Variants in TMEM182 observed in about 807,000 individuals in gnomAD.
TMEM182 encodes transmembrane protein 182.
A neutral mutation model predicts 26.8 loss-of-function variants in TMEM182; 20 were observed. That is an observed-to-expected ratio of 0.75 (90% CI 0.53 to 1.09). The LOEUF (loss-of-function observed/expected upper bound fraction) is 1.09, where lower values mean the gene tolerates loss of function less well. TMEM182 is among the 50% of genes least tolerant of loss of function. The probability of loss-of-function intolerance (pLI) is 0.00; values close to 1 mark genes in which losing one functional copy is unlikely to be tolerated. For synonymous variants in TMEM182, 109 were observed against 102.2 expected (o/e 1.07, Z -0.40); for missense variants, 277 against 275.5 (o/e 1.01, Z -0.04).
chr2:102,764,338 C>T lies in TMEM182; in HGVS notation c.242C>T (p.Pro81Leu), dbSNP rs769715865. 2 of 1,613,762 alleles carry T rather than the reference C, an allele frequency of 1.2e-6. No individual in the cohort carries two copies. The highest frequency in any genetic ancestry group is 1.7e-6 in the Non-Finnish European group (2 of 1,179,802). The change falls in exon 3 of 5, where the codon CCA (proline) becomes CTA (leucine). Residue 81 changes from proline (P) to leucine (L), a missense_variant. Pro to Leu is a moderately conservative substitution (Grantham distance 98). Coordinates refer to ENST00000412401, the MANE Select transcript of TMEM182 (RefSeq NM_144632.5). ...NIWKFWYTNQ[P>L]PSKNCTHAYL... is the part of the protein sequence containing the mutation. The stretch of plus-strand genomic sequence containing the variant: ...TTGCTGTTCTTCCTAGCCAATCAGC[C>T]ACCGTCCAAGAACTGCACACATGCT...
intron 4 of TMEM182, among the ~76,000 whole-genome samples, chr2:102,803,309 C>T (rs746662998): frequency 1.2e-4 from 18 of 152,186 alleles, no homozygotes; most frequent in African/African-American, 3.6e-4. Context: ...CTGCCATGTG[C>T]GGCAAAATGC....
At chr2:102,800,733 G>A (rs1682085959) in intron 4 of TMEM182, among the ~76,000 whole-genome samples, 1 of 151,110 alleles carries the variant, frequency 6.6e-6, no homozygotes, top group African/African-American at 2.4e-5. Flanking sequence ...TGTATTATGG[G>A]CAGCATGATC....
At chr2:102,756,077 G>A (rs1488068157) in intron 1 of TMEM182, among the ~76,000 whole-genome samples, 2 of 152,170 alleles carry the variant, frequency 1.3e-5, no homozygotes, top group Admixed American at 1.3e-4. Context: ...TGGGGAACAA[G>A]CAAAGATTTG....
chr2:102,771,108 C>G (rs528708593), intron 3 of TMEM182, among the ~76,000 whole-genome samples: 10 of 152,252 alleles, frequency 6.6e-5, no homozygotes, highest in African/African-American at 1.7e-4. Context: ...GCAAATCACT[C>G]CAAATACTTC....
chr2:102,816,913 A>G lies in TMEM182; in HGVS notation c.*1945A>G. 1 of 985,744 alleles carries G rather than the reference A, an allele frequency of 1.0e-6. No homozygotes were observed. Among genetic ancestry groups the G allele is most frequent in the Non-Finnish European group, 1.2e-6 (1 of 829,810 alleles). The allele number at this position is 985,744 out of a possible 1,614,324, so 61.1% of individuals were successfully genotyped here. ...AAAGGCTTGAATATTTATAAATTTC[A>G]GATGGTTATCCTCACTTTATAGTAC... On this transcript the variant is annotated 3_prime_UTR_variant, in exon 5 of 5. Coordinates refer to ENST00000412401, the MANE Select transcript of TMEM182 (RefSeq NM_144632.5).
intron 3 of TMEM182, among the ~76,000 whole-genome samples, chr2:102,795,272 G>T (rs527923891): frequency 6.6e-6 from 1 of 152,126 alleles, no homozygotes; most frequent in South Asian, 2.1e-4. Context: ...CTTTGGTTTG[G>T]CTGTCTCTTT....
At chr2:102,842,991 A>G (rs1307437102) in intron 3 of TMEM182, among the ~76,000 whole-genome samples, 1 of 152,158 alleles carries the variant, frequency 6.6e-6, no homozygotes, top group South Asian at 2.1e-4. Flanking sequence ...TGGGCTTTTG[A>G]TACAATGTAT....
At chr2:102,766,836 C>T (rs1680471744) in intron 3 of TMEM182, among the ~76,000 whole-genome samples, 1 of 152,182 alleles carries the variant, frequency 6.6e-6, no homozygotes, top group Admixed American at 6.5e-5. Flanking sequence ...TTTATAGTGT[C>T]CTGAGTTTTT....
intron 1 of TMEM182, among the ~76,000 whole-genome samples, chr2:102,742,868 A>T (rs998262814): frequency 6.6e-6 from 1 of 151,930 alleles, no homozygotes; most frequent in Non-Finnish European, 1.5e-5. Context: ...TTCTCAGGTT[A>T]AAAAAAAGCT....
chr2:102,810,124 C>T (rs1682496153), intron 4 of TMEM182, among the ~76,000 whole-genome samples: 2 of 151,864 alleles, frequency 1.3e-5, no homozygotes, highest in African/African-American at 4.8e-5. Flanking sequence ...AAAACACTCT[C>T]TTTTTAAAAA....
intron 4 of TMEM182, among the ~76,000 whole-genome samples, chr2:102,813,267 C>G (rs1193822229): frequency 6.6e-6 from 1 of 152,054 alleles, no homozygotes; most frequent in East Asian, 1.9e-4. Context: ...AATTGATGGC[C>G]CAGGAGAGAG....
At position 102,817,287 on chromosome 2, in the gene TMEM182, G is replaced by C; in HGVS notation, c.*2319G>C. 1 of 985,294 alleles carries C rather than the reference G, an allele frequency of 1.0e-6. No individual in the cohort carries two copies. Among genetic ancestry groups the C allele is most frequent in the South Asian group, 4.7e-5 (1 of 21,280 alleles). The allele number at this position is 985,294 out of a possible 1,614,324, so 61.0% of individuals were successfully genotyped here. A position where few individuals can be genotyped will look rare whatever the true frequency, so the allele number is the denominator to read the frequency against. On this transcript the variant is annotated 3_prime_UTR_variant, in exon 5 of 5. Coordinates refer to ENST00000412401, the MANE Select transcript of TMEM182 (RefSeq NM_144632.5). ...TAATTTTTAGAAGCCTTTAAACTGT[G>C]TTAGAATCTTTTTGAAAAATGTTGA...
chr2:102,818,758 C>CTGTCTATCTATG (rs1682836467), downstream of TMEM182, among the ~76,000 whole-genome samples: 1 of 151,734 alleles, frequency 6.6e-6, no homozygotes, highest in African/African-American at 2.4e-5. Context: ...ATCTATCTAT[C>CTGTCTATCTATG]TATCTATCTA....
chr2:102,811,995 T>C (rs977974944), intron 4 of TMEM182, among the ~76,000 whole-genome samples: 1 of 152,196 alleles, frequency 6.6e-6, no homozygotes, highest in African/African-American at 2.4e-5. Flanking sequence ...AAAATATATC[T>C]AGGTATATAT....
At chr2:102,836,058 G>T (rs1683241044) in intron 3 of TMEM182, among the ~76,000 whole-genome samples, 1 of 152,226 alleles carries the variant, frequency 6.6e-6, no homozygotes, top group Admixed American at 6.5e-5. Flanking sequence ...TCCATTTCTT[G>T]TCATGGCTTG....
intron 3 of TMEM182, among the ~76,000 whole-genome samples, chr2:102,779,829 T>C (rs1681087262): frequency 6.6e-6 from 1 of 152,108 alleles, no homozygotes; most frequent in African/African-American, 2.4e-5. Context: ...AAACACCCTC[T>C]CTACTAAAAA....
intron 3 of TMEM182, among the ~76,000 whole-genome samples, chr2:102,781,396 T>G (rs1049015008): frequency 6.6e-6 from 1 of 152,124 alleles, no homozygotes; most frequent in Non-Finnish European, 1.5e-5. Context: ...TTAAGATACA[T>G]AGTGGAGTTT....
At chr2:102,749,085 A>T (rs998779208) in intron 1 of TMEM182, among the ~76,000 whole-genome samples, 10 of 152,212 alleles carry the variant, frequency 6.6e-5, no homozygotes, top group Non-Finnish European at 1.2e-4. Context: ...TATTTCCAAG[A>T]ATTAAAACTT....
downstream of TMEM182, among the ~76,000 whole-genome samples, chr2:102,818,868 C>T (rs1386983530): frequency 1.3e-5 from 2 of 152,116 alleles, no homozygotes; most frequent in South Asian, 2.1e-4. Context: ...TAAATTAGAA[C>T]GATTTGGATT....
Sources: gnomAD v4.1 joint callset for allele counts (sites outside exome capture counted in the v4.1 genomes callset) on GRCh38, gnomAD v4.1.1 for gene constraint, MANE v1.5 for transcripts, NCBI Gene and HGNC (gene_info 2026-07-23, HGNC 2026-07-21) for gene names.